ETV6: variants seen among roughly 807,000 people sequenced by gnomAD.
ETV6 encodes transcription factor ETV6.
A neutral mutation model predicts 51.1 loss-of-function variants in ETV6; 16 were observed. The observed-to-expected ratio is 0.31, with a 90% CI of 0.21 to 0.48. The LOEUF is 0.48. ETV6 is among the 20% of genes least tolerant of loss of function. The probability of loss-of-function intolerance (pLI) is 0.99; values close to 1 mark genes in which losing one functional copy is unlikely to be tolerated. For synonymous variants in ETV6, 240 were observed against 224.1 expected (o/e 1.07, Z -0.64); for missense variants, 458 against 594.8 (o/e 0.77, Z 2.39).
At chr12:11,655,491 C>A (rs1205347870) in intron 1 of ETV6, among the ~76,000 whole-genome samples, 1 of 152,128 alleles carries the variant, frequency 6.6e-6, no homozygotes, top group African/African-American at 2.4e-5. Flanking sequence ...TATTAAAAAA[C>A]AAACACATTT....
At chr12:11,844,852 A>G (rs79597230) in intron 3 of ETV6, among the ~76,000 whole-genome samples, 3,713 of 146,418 alleles carry the variant, frequency 0.025, 121 homozygotes, top group African/African-American at 0.077. Context: ...TTTTTTTTTT[A>G]GATGGATTCT....
chr12:11,707,805 G>A (rs899265706), intron 1 of ETV6, among the ~76,000 whole-genome samples: 1 of 152,138 alleles, frequency 6.6e-6, no homozygotes, highest in African/African-American at 2.4e-5. Flanking sequence ...CCTGGCTCTG[G>A]TTCTTCTCCG....
rs577123398 is a variant in ETV6 at position 11,890,867 on chromosome 12, A to G, written c.1254-74A>G. 1.3e-5 allele frequency: 15 copies of G among 1,116,088 alleles called. No homozygotes were observed. The African/African-American group carries it at 1.7e-4, about 13-fold the overall frequency. The allele number at this position is 1,116,088 out of a possible 1,614,324, so 69.1% of individuals were successfully genotyped here. A position where few individuals can be genotyped will look rare whatever the true frequency, so the allele number is the denominator to read the frequency against. Reference sequence around the variant, plus strand: ...AAGATGATGGAGTCTTTCTTTATATACAGGCTAGAGTTCAGAGTGAAGACA... The same window carrying G: ...AAGATGATGGAGTCTTTCTTTATATGCAGGCTAGAGTTCAGAGTGAAGACA... On this transcript the variant is annotated intron_variant, in intron 7 of 7. Transcript: ENST00000396373.
intron 3 of ETV6, among the ~76,000 whole-genome samples, chr12:11,852,603 G>A (rs555326850): frequency 6.6e-6 from 1 of 152,320 alleles, no homozygotes; most frequent in African/African-American, 2.4e-5. Flanking sequence ...AATTCTTCGA[G>A]TAATCTGAAG....
chr12:11,868,341 C>T (rs1414858318), intron 4 of ETV6, among the ~76,000 whole-genome samples: 10 of 151,934 alleles, frequency 6.6e-5, no homozygotes, highest in Admixed American at 6.6e-4. Flanking sequence ...TTCTTTACGC[C>T]TCAGTTTTAT....
intron 1 of ETV6, among the ~76,000 whole-genome samples, chr12:11,698,439 C>A (rs1197044309): frequency 6.6e-6 from 1 of 152,228 alleles, no homozygotes; most frequent in Non-Finnish European, 1.5e-5. Flanking sequence ...TGATCTGAGG[C>A]TTGACTGAGG....
rs1206834301 is a variant in ETV6 at position 11,811,249 on chromosome 12, GA to G, written c.164-27888del. On this transcript the variant is annotated intron_variant, in intron 2 of 7. Transcript: ENST00000396373. The stretch of plus-strand genomic sequence containing the variant: ...TCATTTCGAATCTAACTAAAAATGA[GA>G]AATGCTCTGTTTATATAAAGCTTGG... Among the ~76,000 whole-genome samples, 6 of 152,210 alleles carry G rather than the reference GA, an allele frequency of 3.9e-5. 1 individual carries two copies. Among genetic ancestry groups the G allele is most frequent in the Admixed American group, 3.3e-4 (5 of 15,288 alleles).
At chr12:11,816,946 G>GT (rs1946002425) in intron 2 of ETV6, among the ~76,000 whole-genome samples, 5 of 152,222 alleles carry the variant, frequency 3.3e-5, no homozygotes, top group African/African-American at 7.2e-5. Context: ...TCCCAAGCCA[G>GT]GGATAGCACA....
At chr12:11,668,782 C>T (rs1308770783) in intron 1 of ETV6, among the ~76,000 whole-genome samples, 4 of 152,156 alleles carry the variant, frequency 2.6e-5, no homozygotes, top group East Asian at 1.9e-4. Flanking sequence ...GCCAGGTGTG[C>T]TACCTCTGTT....
chr12:11,698,984 G>A (rs1268803228), intron 1 of ETV6, among the ~76,000 whole-genome samples: 1 of 152,154 alleles, frequency 6.6e-6, no homozygotes, highest in African/African-American at 2.4e-5. Flanking sequence ...TTGAACACAG[G>A]CAGATTCCAG....
At chr12:11,756,332 C>T (rs1356045739) in intron 2 of ETV6, among the ~76,000 whole-genome samples, 6 of 152,078 alleles carry the variant, frequency 3.9e-5, no homozygotes, top group East Asian at 1.9e-4. Flanking sequence ...CTCTGCTTAC[C>T]GGGAGAGCAA....
intron 2 of ETV6, among the ~76,000 whole-genome samples, chr12:11,753,435 A>G (rs902096952): frequency 1.3e-5 from 2 of 152,184 alleles, no homozygotes; most frequent in South Asian, 2.1e-4. Context: ...ACAGTGTCCA[A>G]GAAAATGCCA....
At chr12:11,879,952 G>T (rs1365804980) in intron 5 of ETV6, among the ~76,000 whole-genome samples, 1 of 147,972 alleles carries the variant, frequency 6.8e-6, no homozygotes, top group African/African-American at 2.5e-5. Flanking sequence ...AAGGATCTAG[G>T]AACCTAAAGA....
chr12:11,826,567 C>G (rs1946156364), intron 2 of ETV6: 1 of 152,256 alleles, frequency 6.6e-6, no homozygotes, highest in Admixed American at 6.5e-5. Context: ...ACTCATTCCT[C>G]CCCACTCATT....
At chr12:11,731,692 T>A (rs1865602533) in intron 1 of ETV6, among the ~76,000 whole-genome samples, 1 of 152,208 alleles carries the variant, frequency 6.6e-6, no homozygotes, top group Admixed American at 6.5e-5. Flanking sequence ...TTTATGAACT[T>A]AACACTTCCT....
chr12:11,860,166 A>C (rs930845648), intron 4 of ETV6, among the ~76,000 whole-genome samples: 16 of 152,162 alleles, frequency 1.1e-4, no homozygotes, highest in Non-Finnish European at 2.2e-4. Context: ...ACAGCGGCTT[A>C]GTAGGTAACA....
rs1050806575 is a variant in ETV6 at position 11,863,313 on chromosome 12, T to C, written c.464-6111T>C. 4.6e-5 allele frequency among the ~76,000 whole-genome samples: 7 copies of C among 152,260 alleles called. No individual in the cohort carries two copies. The East Asian group carries it at 1.4e-3, about 29-fold the overall frequency. On this transcript the variant is annotated intron_variant, in intron 4 of 7. Transcript: ENST00000396373. ...AAATCAGACCTTTTTGTAAAGAAAA[T>C]TACCCCACTTAAAGTCCTGGTTTAT...
chr12:11,859,047 G>C (rs2136507469), intron 4 of ETV6, among the ~76,000 whole-genome samples: 1 of 141,926 alleles, frequency 7.0e-6, no homozygotes, highest in East Asian at 2.2e-4. Context: ...AGTGCCCAAA[G>C]ACTGCTTTGG....
chr12:11,753,619 T>G (rs1003232576), intron 2 of ETV6, among the ~76,000 whole-genome samples: 3 of 152,202 alleles, frequency 2.0e-5, no homozygotes, highest in Non-Finnish European at 2.9e-5. Context: ...CCTCAGAAGG[T>G]TGCTTTCTGA....
Sources: allele counts gnomAD v4.1 joint callset (sites outside exome capture counted in the v4.1 genomes callset), GRCh38; gene constraint gnomAD v4.1.1; transcripts MANE v1.5; gene names NCBI Gene and HGNC (gene_info 2026-07-23, HGNC 2026-07-21).